The following TPRA1 variants were observed in gnomAD, a reference collection of about 807,000 sequenced individuals.
TPRA1 encodes transmembrane protein adipocyte-associated 1.
A neutral mutation model predicts 40.1 loss-of-function variants in TPRA1; 28 were observed. The ratio of observed to expected loss-of-function variants is 0.70; its 90% confidence interval spans 0.52 to 0.96. TPRA1 has a LOEUF of 0.96. TPRA1 is among the 40% of genes least tolerant of loss of function. TPRA1 has a pLI of 0.00. For synonymous variants in TPRA1, 219 were observed against 209.7 expected (o/e 1.04, Z -0.38); for missense variants, 441 against 482.6 (o/e 0.91, Z 0.81).
At chr3:127,587,555 T>TCCC (rs1226692631) in intron 1 of TPRA1, among the ~76,000 whole-genome samples, 2 of 151,204 alleles carry the variant, frequency 1.3e-5, no homozygotes, top group Non-Finnish European at 2.9e-5. Flanking sequence ...GGTGAGTCAC[T>TCCC]CCCCCTCCAA....
At position 127,572,229 on chromosome 3, in the gene TPRA1, C is replaced by A. The variant is rs2073396073; in HGVS notation, c.*1292G>T. Among the ~76,000 whole-genome samples the A allele has an allele frequency of 6.6e-6, 1 of 151,964 alleles. No individual in the cohort carries two copies. The highest frequency in any genetic ancestry group is 2.4e-5 in the African/African-American group (1 of 41,400). ...TGTGCCCTCGGCACCCCATTCCCCC[C>A]TAAAAAAAAAAGGCTGATCGCGGAG... On this transcript the variant is annotated 3_prime_UTR_variant, in exon 11 of 11. Coordinates refer to ENST00000355552, the MANE Select transcript of TPRA1 (RefSeq NM_001136053.4).
At chr3:127,596,520 G>T (rs934317945) in intron 1 of TPRA1, among the ~76,000 whole-genome samples, 5 of 152,198 alleles carry the variant, frequency 3.3e-5, no homozygotes, top group Non-Finnish European at 5.9e-5. Flanking sequence ...GGGTTTCCCA[G>T]GTCCCAGGCT....
rs747107585 is a variant in TPRA1 at position 127,573,470 on chromosome 3, G to A, written c.*51C>T. The A allele has an allele frequency of 5.1e-6, 8 of 1,563,138 alleles. No homozygotes were observed. The African/African-American group carries it at 1.1e-4, about 21-fold the overall frequency. On this transcript the variant is annotated 3_prime_UTR_variant, in exon 11 of 11. Coordinates refer to ENST00000355552, the MANE Select transcript of TPRA1 (RefSeq NM_001136053.4). ...GGTCCTCCTCCCCTGGGGACTCTGG[G>A]CCTGCTGGCCTCCTCTCTGGCCTGT...
chr3:127,576,589 C>T lies in TPRA1; in HGVS notation c.498+28G>A, dbSNP rs1473997704. ...GGGTGCCTGGTGCCCTGACTCCTAG[C>T]GTCCCCTGCCCACACTCACCCTCTT... On this transcript the variant is annotated intron_variant, in intron 6 of 10. Coordinates refer to ENST00000355552, the MANE Select transcript of TPRA1 (RefSeq NM_001136053.4). The surrounding 1 kb of genome is among the most constrained non-coding windows in gnomAD (Gnocchi z 4.6). 5.1e-6 allele frequency: 8 copies of T among 1,555,158 alleles called. No homozygotes were observed. The highest frequency in any genetic ancestry group is 6.1e-6 in the Non-Finnish European group (7 of 1,146,354).
At chr3:127,593,626 G>A (rs933803474), upstream of TPRA1, among the ~76,000 whole-genome samples, 4 of 152,020 alleles carry the variant, frequency 2.6e-5, no homozygotes, top group African/African-American at 7.2e-5. Context: ...AGAAAATGGC[G>A]GAGACTGGTG....
intron 3 of TPRA1, among the ~76,000 whole-genome samples, chr3:127,578,554 C>G (rs1169861285): frequency 1.3e-5 from 2 of 152,218 alleles, no homozygotes; most frequent in Admixed American, 1.3e-4. Flanking sequence ...CCTTACCCCA[C>G]AAAAGGACAT....
upstream of TPRA1, among the ~76,000 whole-genome samples, chr3:127,594,591 G>A (rs1407218567): frequency 6.6e-6 from 1 of 152,162 alleles, no homozygotes; most frequent in Non-Finnish European, 1.5e-5. Context: ...GGTTCTGTCA[G>A]GCCCTCTAAT....
At chr3:127,588,722 G>T (rs906542211) in intron 1 of TPRA1, among the ~76,000 whole-genome samples, 2 of 152,166 alleles carry the variant, frequency 1.3e-5, no homozygotes, top group Non-Finnish European at 2.9e-5. Flanking sequence ...CGCCTGGCCC[G>T]CACTGACTTT....
At chr3:127,581,578 G>C (rs1403364906) in intron 1 of TPRA1, among the ~76,000 whole-genome samples, 1 of 152,116 alleles carries the variant, frequency 6.6e-6, no homozygotes, top group Non-Finnish European at 1.5e-5. Flanking sequence ...ACACACCGAT[G>C]ACTCCTAAGT....
At chr3:127,587,244 C>T (rs2074028759) in intron 1 of TPRA1, 1 of 152,180 alleles carries the variant, frequency 6.6e-6, no homozygotes, top group Non-Finnish European at 1.5e-5. Flanking sequence ...ACCACCTTGA[C>T]CTCACGCTCA....
At chr3:127,593,916 G>A (rs780711245), upstream of TPRA1, among the ~76,000 whole-genome samples, 13 of 152,198 alleles carry the variant, frequency 8.5e-5, no homozygotes, top group African/African-American at 3.1e-4. Flanking sequence ...ATATGGTCTT[G>A]CCCCAGGCCA....
intron 1 of TPRA1, among the ~76,000 whole-genome samples, chr3:127,587,440 A>G (rs2074033790): frequency 6.6e-6 from 1 of 152,034 alleles, no homozygotes; most frequent in Admixed American, 6.6e-5. Flanking sequence ...TTTGAGTCTG[A>G]CTTCTCTAAT....
upstream of TPRA1, chr3:127,590,986 G>C (rs2074156912): frequency 6.6e-6 from 1 of 152,268 alleles, no homozygotes; most frequent in African/African-American, 2.4e-5. Flanking sequence ...TCGAAGACTG[G>C]AAAGCTGAGG....
At chr3:127,596,664 C>G (rs2074245276) in intron 1 of TPRA1, among the ~76,000 whole-genome samples, 1 of 152,160 alleles carries the variant, frequency 6.6e-6, no homozygotes, top group African/African-American at 2.4e-5. Flanking sequence ...TCCCCTCGGC[C>G]CAAATTCAGC....
In TPRA1 at chr3:127,576,773, G is replaced by A. The variant is rs775989348; in HGVS notation, c.418+48C>T. On this transcript the variant is annotated intron_variant, in intron 5 of 10. Transcript: ENST00000355552. The surrounding 1 kb of genome is among the most constrained non-coding windows in gnomAD (Gnocchi z 4.6). ...CAGAGTCAGCCCACAGCCAGGGAGG[G>A]GCAGGGGAGAGCATCGCCAGGGCCC... is the stretch of plus-strand genomic sequence containing the variant. 1.2e-6 allele frequency: 2 copies of A among 1,613,084 alleles called. No individual in the cohort carries two copies. The highest frequency in any genetic ancestry group is 1.1e-5 in the South Asian group (1 of 90,954).
At chr3:127,592,745 G>A (rs1275731617), upstream of TPRA1, among the ~76,000 whole-genome samples, 1 of 152,220 alleles carries the variant, frequency 6.6e-6, no homozygotes, top group Non-Finnish European at 1.5e-5. Context: ...AATGGCATCA[G>A]CCCCAAGTGA....
chr3:127,575,550 G>A, intron 8 of TPRA1, 45 bp from the exon 9 acceptor site: 8 of 1,490,424 alleles, frequency 5.4e-6, no homozygotes, highest in Non-Finnish European at 5.4e-6. Context: ...CCCTGGACAG[G>A]CCAGGCTCTG....
rs901054330 is a variant in TPRA1 at position 127,573,854 on chromosome 3, G to A, written c.855-66C>T. The A allele has an allele frequency of 4.5e-5, 67 of 1,499,028 alleles. No individual in the cohort carries two copies. In the Middle Eastern group the frequency reaches 9.2e-4, roughly 21 times the overall value. The allele number at this position is 1,499,028 out of a possible 1,614,324, so 92.9% of individuals were successfully genotyped here. On this transcript the variant is annotated intron_variant, in intron 10 of 10. Coordinates refer to ENST00000355552, the MANE Select transcript of TPRA1 (RefSeq NM_001136053.4). ...GATTCAGGAAGAGCCTTCCTCTCCAGGCTGATGGGGCCACCAGATAAGGAA... is the reference window on the plus strand; with the variant it reads ...GATTCAGGAAGAGCCTTCCTCTCCAAGCTGATGGGGCCACCAGATAAGGAA...
chr3:127,575,556 C>G, intron 8 of TPRA1, 51 bp from the exon 9 acceptor site: 1 of 1,490,214 alleles, frequency 6.7e-7, no homozygotes. Flanking sequence ...ACAGGCCAGG[C>G]TCTGCCTCCA....
Sources: allele counts gnomAD v4.1 joint callset (sites outside exome capture counted in the v4.1 genomes callset), GRCh38; gene constraint gnomAD v4.1.1; non-coding constraint Gnocchi (gnomAD v3.1); transcripts MANE v1.5; gene names NCBI Gene and HGNC (gene_info 2026-07-23, HGNC 2026-07-21).